Variants in SKIL observed in about 807,000 individuals in gnomAD.
SKIL encodes ski-like protein.
In SKIL, 20 loss-of-function variants were observed where a neutral mutation model predicts 69.6. The ratio of observed to expected loss-of-function variants is 0.29; its 90% confidence interval spans 0.20 to 0.42. SKIL has a LOEUF of 0.42. Ranked by LOEUF, SKIL falls within the 10% of genes least tolerant of loss-of-function variation. The pLI is 1.00. For synonymous variants in SKIL, 310 were observed against 279.9 expected (o/e 1.11, Z -1.08); for missense variants, 745 against 783.1 (o/e 0.95, Z 0.58).
rs1291747693 is a variant in SKIL at position 170,396,511 on chromosome 3, A to G, written c.*4094A>G. ...ACTGTTGAAACAAATAATTGGCTAC[A>G]TTGACCATAATTAAAGTTAAAATTT... On this transcript the variant is annotated 3_prime_UTR_variant, in exon 7 of 7. Coordinates refer to ENST00000259119, the MANE Select transcript of SKIL (RefSeq NM_005414.5). 1 of 152,246 alleles carries G rather than the reference A, an allele frequency of 6.6e-6. No homozygotes were observed. Among genetic ancestry groups the G allele is most frequent in the African/African-American group, 2.4e-5 (1 of 41,464 alleles). The allele number at this position is 152,246 out of a possible 1,614,324, so 9.4% of individuals were successfully genotyped here.
chr3:170,362,693 T>A (rs1406934749), intron 2 of SKIL, among the ~76,000 whole-genome samples: 1 of 150,366 alleles, frequency 6.7e-6, no homozygotes, highest in Non-Finnish European at 1.5e-5. Context: ...TGTGTGTTTG[T>A]AGTCCCAGCT....
intron 2 of SKIL, among the ~76,000 whole-genome samples, chr3:170,374,581 A>G (rs963477324): frequency 5.3e-5 from 8 of 152,210 alleles, no homozygotes; most frequent in Non-Finnish European, 1.2e-4. Flanking sequence ...CTGCTGAACC[A>G]TTTAATTATA....
chr3:170,371,719 A>G (rs1197592194), intron 2 of SKIL, among the ~76,000 whole-genome samples: 1 of 152,220 alleles, frequency 6.6e-6, no homozygotes, highest in East Asian at 1.9e-4. Flanking sequence ...TACTGGTACC[A>G]TTCTAAATGC....
intron 6 of SKIL, among the ~76,000 whole-genome samples, chr3:170,391,656 A>G (rs955925570): frequency 6.6e-6 from 1 of 152,112 alleles, no homozygotes. Context: ...CTTTTTGTCA[A>G]GCTCAGTTTA....
At chr3:170,361,698 C>T (rs1192633811) in intron 2 of SKIL, among the ~76,000 whole-genome samples, 1 of 151,508 alleles carries the variant, frequency 6.6e-6, no homozygotes, top group Non-Finnish European at 1.5e-5. Context: ...GATAAAATGA[C>T]TTTCCCAAAA....
In SKIL at chr3:170,387,933, CAAAAA is replaced by C. The variant is rs541166783; in HGVS notation, c.1430-2270_1430-2266del. On this transcript the variant is annotated intron_variant, in intron 4 of 6. Transcript: ENST00000259119. ...TGGGCGACAGAGCGAGACTCCGTCT[CAAAAA>C]AAAAAAAAAAAAAAAAAAAGAATAA... Among the ~76,000 whole-genome samples, 21 of 51,086 alleles carry C rather than the reference CAAAAA, an allele frequency of 4.1e-4. No individual in the cohort carries two copies. The East Asian group carries it at 7.9e-3, about 19-fold the overall frequency. The allele number at this position is 51,086 out of a possible 152,430, so 33.5% of individuals were successfully genotyped here.
At chr3:170,387,056 C>T (rs148040657) in intron 4 of SKIL, among the ~76,000 whole-genome samples, 290 of 151,864 alleles carry the variant, frequency 1.9e-3, no homozygotes, top group African/African-American at 6.6e-3. Flanking sequence ...TCACTCTTGT[C>T]GCCCAGGCTA....
At chr3:170,376,884 C>G (rs1737059816) in intron 2 of SKIL, among the ~76,000 whole-genome samples, 1 of 152,088 alleles carries the variant, frequency 6.6e-6, no homozygotes, top group Admixed American at 6.6e-5. Context: ...CTGGCCAACT[C>G]AAGATTCTTA....
At chr3:170,366,810 T>C (rs532201957) in intron 2 of SKIL, among the ~76,000 whole-genome samples, 1 of 152,312 alleles carries the variant, frequency 6.6e-6, no homozygotes, top group East Asian at 1.9e-4. Flanking sequence ...GAATAATCAT[T>C]ATTTTACTTT....
At chr3:170,392,146 ATG>A (rs1179229664) in intron 6 of SKIL, 111 bp from the exon 7 acceptor site, 1 of 805,242 alleles carries the variant, frequency 1.2e-6, no homozygotes, top group Non-Finnish European at 1.9e-6. Flanking sequence ...TTTAGTATAC[ATG>A]AAATAGTTCG....
chr3:170,378,614 C>T (rs1045029031), intron 2 of SKIL, among the ~76,000 whole-genome samples: 3 of 136,556 alleles, frequency 2.2e-5, no homozygotes, highest in Non-Finnish European at 4.6e-5. Context: ...TGCAGTGGCG[C>T]GAACTCAGCT....
chr3:170,392,473 C>G lies in SKIL; in HGVS notation c.*56C>G. 1 of 1,161,078 alleles carries G rather than the reference C, an allele frequency of 8.6e-7. No homozygotes were observed. The highest frequency in any genetic ancestry group is 1.9e-5 in the South Asian group (1 of 53,650). The allele number at this position is 1,161,078 out of a possible 1,614,324, so 71.9% of individuals were successfully genotyped here. A position where few individuals can be genotyped will look rare whatever the true frequency, so the allele number is the denominator to read the frequency against. ...CTGACAAGGTTTTTTTTGTTTGTTG[C>G]TTGCTTTGGTAATTGAATTCTGAAG... On this transcript the variant is annotated 3_prime_UTR_variant, in exon 7 of 7. Transcript: ENST00000259119.
intron 2 of SKIL, among the ~76,000 whole-genome samples, chr3:170,375,059 A>G (rs570750725): frequency 6.6e-6 from 1 of 152,352 alleles, no homozygotes; most frequent in East Asian, 1.9e-4. Flanking sequence ...CTAGGCATAT[A>G]GTGCTAGGTA....
At chr3:170,383,366 T>C (rs1236385220) in intron 3 of SKIL, among the ~76,000 whole-genome samples, 1 of 152,248 alleles carries the variant, frequency 6.6e-6, no homozygotes, top group Non-Finnish European at 1.5e-5. Context: ...ACAATATAGA[T>C]GTCTTAGTAC....
intron 2 of SKIL, among the ~76,000 whole-genome samples, chr3:170,378,140 C>T (rs528469411): frequency 5.9e-5 from 9 of 152,294 alleles, no homozygotes; most frequent in African/African-American, 9.6e-5. Flanking sequence ...ATTTGCCTGC[C>T]TTGGCCTCCC....
Position 170,395,500 on chromosome 3 carries a change from G to A in SKIL, c.*3083G>A, listed in dbSNP as rs1738145690. The A allele has an allele frequency of 2.0e-5, 3 of 152,046 alleles. No homozygotes were observed. Among genetic ancestry groups the A allele is most frequent in the East Asian group, 1.9e-4 (1 of 5,188 alleles). The allele number at this position is 152,046 out of a possible 1,614,324, so 9.4% of individuals were successfully genotyped here. ...AGGTGAAATAAAGTATATATTTGCC[G>A]GTTATCCATATCTTTTAGAAGTCCT... is the stretch of plus-strand genomic sequence containing the variant. On this transcript the variant is annotated 3_prime_UTR_variant, in exon 7 of 7. Transcript: ENST00000259119.
intron 3 of SKIL, among the ~76,000 whole-genome samples, chr3:170,383,740 A>G (rs1737476340): frequency 6.6e-6 from 1 of 152,198 alleles, no homozygotes; most frequent in South Asian, 2.1e-4. Flanking sequence ...GTATATAAGA[A>G]GAGCCCTGGG....
At chr3:170,386,119 G>T (rs901636792) in intron 4 of SKIL, among the ~76,000 whole-genome samples, 4 of 148,772 alleles carry the variant, frequency 2.7e-5, no homozygotes, top group South Asian at 2.1e-4. Flanking sequence ...GGGTTTTCTG[G>T]TTTTTTTGTT....
intron 2 of SKIL, among the ~76,000 whole-genome samples, chr3:170,364,311 C>CTT (rs34818157): frequency 1.5e-4 from 9 of 59,988 alleles, no homozygotes; most frequent in South Asian, 8.8e-4. Context: ...TTGCTCCCGT[C>CTT]TTTTTTTTTT....
Sources: gnomAD v4.1 joint callset for allele counts (sites outside exome capture counted in the v4.1 genomes callset) on GRCh38, gnomAD v4.1.1 for gene constraint, MANE v1.5 for transcripts, NCBI Gene and HGNC (gene_info 2026-07-23, HGNC 2026-07-21) for gene names.